The following DIP2C variants were observed in gnomAD, a reference collection of about 807,000 sequenced individuals.
DIP2C encodes the protein disco-interacting protein 2 homolog C.
DIP2C carries 33 observed loss-of-function variants against 192.4 expected under a neutral mutation model. The observed-to-expected ratio is 0.17, with a 90% CI of 0.13 to 0.23. DIP2C has a LOEUF of 0.23. Among genes scored for constraint, DIP2C ranks in the 10% least tolerant of loss-of-function variants. The pLI, the probability that DIP2C is intolerant of heterozygous loss-of-function variation, is 1.00. For missense variants in DIP2C, 1,537 were observed against 2,110.1 expected (o/e 0.73, Z 5.32); for synonymous variants, 979 against 864.1 (o/e 1.13, Z -2.33).
chr10:577,088 C>G (rs889257817), intron 1 of DIP2C, among the ~76,000 whole-genome samples: 5 of 152,196 alleles, frequency 3.3e-5, no homozygotes. Context: ...GAACACACCT[C>G]AAGTGTGACT....
At chr10:486,338 AACGCCAGACGCCTCCTCCT>A (rs1844013615) in intron 2 of DIP2C, 102 bp downstream of exon 2, 2 of 864,908 alleles carry the variant, frequency 2.3e-6, no homozygotes. Flanking sequence ...CTGGAGGGTG[AACGCCAGACGCCTCCTCCT>A]GCCGACTGGG....
intron 22 of DIP2C, among the ~76,000 whole-genome samples, chr10:361,255 C>A (rs1305845043): frequency 1.3e-5 from 2 of 152,162 alleles, no homozygotes; most frequent in Non-Finnish European, 2.9e-5. Context: ...GATTTCCAAT[C>A]TCCTGGGCCA....
intron 1 of DIP2C, among the ~76,000 whole-genome samples, chr10:621,243 T>C (rs958197305): frequency 6.6e-6 from 1 of 150,980 alleles, no homozygotes; most frequent in African/African-American, 2.4e-5. Context: ...TACATGCTCA[T>C]CTGTGCCAAT....
At chr10:446,514 C>A (rs779539682) in intron 3 of DIP2C, among the ~76,000 whole-genome samples, 3 of 152,174 alleles carry the variant, frequency 2.0e-5, no homozygotes, top group Non-Finnish European at 4.4e-5. Context: ...TAAATAAGGC[C>A]CTGTGTCTTC....
intron 1 of DIP2C, among the ~76,000 whole-genome samples, chr10:490,324 G>T (rs896995568): frequency 2.0e-5 from 3 of 152,206 alleles, no homozygotes; most frequent in African/African-American, 7.2e-5. Flanking sequence ...ATGCAGCTAC[G>T]TAAACTAAAG....
intron 1 of DIP2C, among the ~76,000 whole-genome samples, chr10:619,537 G>GCCCTCCCTCCCTCCCT (rs528029497): frequency 4.7e-4 from 24 of 51,328 alleles, no homozygotes; most frequent in African/African-American, 1.2e-3. Flanking sequence ...AAGCCCGCCC[G>GCCCTCCCTCCCTCCCT]CCCGCCCTCC....
At chr10:524,965 T>G (rs1315696848) in intron 1 of DIP2C, among the ~76,000 whole-genome samples, 1 of 47,280 alleles carries the variant, frequency 2.1e-5, no homozygotes, top group Non-Finnish European at 3.2e-5. Context: ...CAATCACAAT[T>G]TCAAAAAAAA....
chr10:577,676 A>T (rs767978056), intron 1 of DIP2C, among the ~76,000 whole-genome samples: 16 of 152,206 alleles, frequency 1.1e-4, no homozygotes, highest in Non-Finnish European at 1.8e-4. Context: ...AGATCTAACT[A>T]ATACAAGGTT....
At chr10:390,235 G>A in intron 12 of DIP2C, 29 bp downstream of exon 12, 3 of 1,607,374 alleles carry the variant, frequency 1.9e-6, no homozygotes, top group Non-Finnish European at 2.6e-6. Context: ...CACACTCAGG[G>A]CCAGTGGAGG....
chr10:579,539 CAT>C (rs1413144459), intron 1 of DIP2C, among the ~76,000 whole-genome samples: 1 of 152,032 alleles, frequency 6.6e-6, no homozygotes, highest in Non-Finnish European at 1.5e-5. Flanking sequence ...CATCCAGATC[CAT>C]AAAGTGTACA....
At chr10:507,868 G>C (rs1845731547) in intron 1 of DIP2C, among the ~76,000 whole-genome samples, 1 of 152,194 alleles carries the variant, frequency 6.6e-6, no homozygotes, top group Non-Finnish European at 1.5e-5. Context: ...CCATTCACCT[G>C]AGGCCACCAA....
chr10:508,341 G>A (rs982691998), intron 1 of DIP2C, among the ~76,000 whole-genome samples: 4 of 152,190 alleles, frequency 2.6e-5, no homozygotes, highest in African/African-American at 9.7e-5. Flanking sequence ...GAGTGCCCAG[G>A]CCCTCAGCCC....
At position 277,535 on chromosome 10, in the gene DIP2C, C is replaced by G. The variant is rs753951213; in HGVS notation, c.4461G>C (p.Glu1487Asp). The change falls in exon 37 of 37, where the codon GAG (glutamate) becomes GAC (aspartate). Residue 1487 changes from glutamate (E) to aspartate (D), a missense_variant. Glu to Asp is a conservative substitution (Grantham distance 45, BLOSUM62 2). This residue lies in a region of DIP2C where 341 missense variants were observed against 551.7 expected (regional missense o/e 0.62). Transcript: ENST00000280886. ...TWTNLLVVVV[E>D]LDGSEQEALD... Reference sequence around the variant, plus strand: ...AGGCTTCTTGTTCCGACCCATCCAGCTCAACCACAACCACCAACAAATTTG... The same window carrying G: ...AGGCTTCTTGTTCCGACCCATCCAGGTCAACCACAACCACCAACAAATTTG... The G allele has an allele frequency of 6.2e-7, 1 of 1,614,126 alleles. No individual in the cohort carries two copies. Among genetic ancestry groups the G allele is most frequent in the South Asian group, 1.1e-5 (1 of 91,074 alleles).
At chr10:567,076 C>G (rs1467137558) in intron 1 of DIP2C, among the ~76,000 whole-genome samples, 1 of 152,204 alleles carries the variant, frequency 6.6e-6, no homozygotes, top group Non-Finnish European at 1.5e-5. Flanking sequence ...AAACCCAGAT[C>G]AGCATCATCT....
At chr10:332,949 T>C (rs1395975687) in intron 29 of DIP2C, among the ~76,000 whole-genome samples, 1 of 152,206 alleles carries the variant, frequency 6.6e-6, no homozygotes, top group African/African-American at 2.4e-5. Flanking sequence ...GTCGCCCAGG[T>C]TGGAGTGCAG....
intron 4 of DIP2C, among the ~76,000 whole-genome samples, chr10:439,147 C>G (rs1220024911): frequency 6.6e-6 from 1 of 152,162 alleles, no homozygotes; most frequent in Non-Finnish European, 1.5e-5. Context: ...TGCCTAGCCC[C>G]TAATTACGTG....
chr10:685,155 A>T (rs1564340966), intron 1 of DIP2C, among the ~76,000 whole-genome samples: 80 of 62,966 alleles, frequency 1.3e-3, no homozygotes, highest in African/African-American at 5.4e-3. Context: ...AAAAAAAAAA[A>T]AAAAAAATAT....
intron 1 of DIP2C, among the ~76,000 whole-genome samples, chr10:531,403 C>T (rs1004019431): frequency 6.6e-6 from 1 of 152,088 alleles, no homozygotes; most frequent in Non-Finnish European, 1.5e-5. Flanking sequence ...ACCACATTTC[C>T]CAAAGTAGAC....
At chr10:596,998 C>A (rs1307500882) in intron 1 of DIP2C, among the ~76,000 whole-genome samples, 1 of 152,344 alleles carries the variant, frequency 6.6e-6, no homozygotes, top group African/African-American at 2.4e-5. Flanking sequence ...GTGGCTGGTT[C>A]TGCATTATTT....
Sources: allele counts gnomAD v4.1 joint callset (sites outside exome capture counted in the v4.1 genomes callset), GRCh38; gene constraint gnomAD v4.1.1; regional missense constraint gnomAD v4.1.1; transcripts MANE v1.5; gene names NCBI Gene and HGNC (gene_info 2026-07-23, HGNC 2026-07-21).